The following DLG2 variants were observed in gnomAD, a reference collection of about 807,000 sequenced individuals.
DLG2 encodes the protein discs large MAGUK scaffold protein 2.
A neutral mutation model predicts 132.5 loss-of-function variants in DLG2; 45 were observed. That is an observed-to-expected ratio of 0.34 (90% CI 0.27 to 0.44). DLG2 has a LOEUF of 0.44. DLG2 is among the 20% of genes least tolerant of loss of function. The pLI is 1.00. For missense variants in DLG2, 1,045 were observed against 1,196.9 expected, an observed-to-expected ratio of 0.87 and a Z score of 1.87; for synonymous variants, 424 against 419.6, an observed-to-expected ratio of 1.01 and a Z score of -0.13.
At chr11:85,078,708 A>G (rs2066866281) in intron 6 of DLG2, among the ~76,000 whole-genome samples, 1 of 152,050 alleles carries the variant, frequency 6.6e-6, no homozygotes, top group Non-Finnish European at 1.5e-5. Context: ...CTTGAAACCA[A>G]ATAAAGAAAT....
intron 5 of DLG2, chr11:85,132,783 G>A (rs1156360226): frequency 5.7e-5 from 26 of 456,596 alleles, no homozygotes; most frequent in South Asian, 3.4e-4. Flanking sequence ...TGGTGACAAT[G>A]CACAGGCAAT....
At chr11:83,510,228 C>T (rs550171647) in intron 21 of DLG2, among the ~76,000 whole-genome samples, 7 of 151,952 alleles carry the variant, frequency 4.6e-5, no homozygotes, top group Non-Finnish European at 1.0e-4. Context: ...TCCCTCCCTC[C>T]CTCCCTCCTT....
intron 8 of DLG2, among the ~76,000 whole-genome samples, chr11:84,220,769 C>CT (rs2096901546): frequency 7.9e-6 from 1 of 127,104 alleles, no homozygotes; most frequent in Admixed American, 8.3e-5. Flanking sequence ...CTTTTTTTTT[C>CT]TTTTTCTTTT....
intron 7 of DLG2, among the ~76,000 whole-genome samples, chr11:84,347,655 C>T (rs11233991): frequency 0.31 from 46,375 of 151,990 alleles, 8,854 homozygotes; most frequent in African/African-American, 0.54. Flanking sequence ...TTGATGCCTC[C>T]CCACAACCCA....
At chr11:85,585,861 GCAC>G (rs1224737924) in intron 3 of DLG2, among the ~76,000 whole-genome samples, 1 of 151,974 alleles carries the variant, frequency 6.6e-6, no homozygotes, top group African/African-American at 2.4e-5. Flanking sequence ...CTACAGATGT[GCAC>G]CACAATGCCC....
At chr11:84,903,904 A>C (rs1235591973) in intron 6 of DLG2, among the ~76,000 whole-genome samples, 1 of 152,294 alleles carries the variant, frequency 6.6e-6, no homozygotes, top group African/African-American at 2.4e-5. Context: ...ATATGTAAAA[A>C]AGTTTTACAG....
intron 7 of DLG2, among the ~76,000 whole-genome samples, chr11:84,472,149 G>T (rs151030247): frequency 2.4e-4 from 36 of 151,828 alleles, no homozygotes; most frequent in Non-Finnish European, 4.1e-4. Context: ...TGATTAGTTC[G>T]TATTGCTATC....
intron 18 of DLG2, among the ~76,000 whole-genome samples, chr11:83,670,448 G>C (rs1371270530): frequency 2.0e-5 from 3 of 151,964 alleles, no homozygotes; most frequent in Non-Finnish European, 4.4e-5. Flanking sequence ...ACCATGATAG[G>C]TTTTGGTATA....
At chr11:84,350,998 T>C in intron 7 of DLG2, among the ~76,000 whole-genome samples, 1 of 152,202 alleles carries the variant, frequency 6.6e-6, no homozygotes, top group East Asian at 1.9e-4. Context: ...TCAGCCTATC[T>C]ACCTGTATTA....
chr11:83,989,450 C>A (rs1251311812), intron 11 of DLG2, among the ~76,000 whole-genome samples: 2 of 152,114 alleles, frequency 1.3e-5, no homozygotes, highest in East Asian at 3.9e-4. Flanking sequence ...ATGACACCAA[C>A]ACTTTGGCAT....
intron 6 of DLG2, among the ~76,000 whole-genome samples, chr11:85,002,355 G>GA (rs939923397): frequency 6.6e-6 from 1 of 152,108 alleles, no homozygotes; most frequent in African/African-American, 2.4e-5. Flanking sequence ...CTCCTATTTA[G>GA]AAGAAATGAG....
At chr11:85,254,381 T>C (rs2076556458) in intron 4 of DLG2, among the ~76,000 whole-genome samples, 1 of 152,156 alleles carries the variant, frequency 6.6e-6, no homozygotes, top group South Asian at 2.1e-4. Flanking sequence ...TATACACACT[T>C]ACCTAGAAAA....
intron 4 of DLG2, among the ~76,000 whole-genome samples, chr11:85,280,169 A>G (rs2078139930): frequency 1.3e-5 from 2 of 151,924 alleles, no homozygotes; most frequent in South Asian, 4.2e-4. Context: ...ATCTCCATTT[A>G]CTGATGAAGA....
intron 6 of DLG2, among the ~76,000 whole-genome samples, chr11:84,770,049 T>C (rs947670510): frequency 3.9e-5 from 6 of 152,144 alleles, no homozygotes; most frequent in Non-Finnish European, 8.8e-5. Context: ...GGGAGATGTG[T>C]GGGTTATGGA....
intron 7 of DLG2, among the ~76,000 whole-genome samples, chr11:84,510,150 A>G (rs2099253372): frequency 6.6e-6 from 1 of 151,080 alleles, no homozygotes; most frequent in African/African-American, 2.4e-5. Context: ...AATTAAAAAC[A>G]GTAAATTAGA....
rs553715482 is a variant in DLG2, at chr11:84,581,140, G to A, written c.358-46409C>T. ...TTATTTCCTTTTACAAATATTTGAC[G>A]AATTGAAGAACCACATAGGCAAACA... is the stretch of plus-strand genomic sequence containing the variant. On this transcript the variant is annotated intron_variant, in intron 6 of 27. Coordinates refer to ENST00000376104, the MANE Select transcript of DLG2 (RefSeq NM_001142699.3). Among the ~76,000 whole-genome samples the A allele has an allele frequency of 4.6e-5, 7 of 152,166 alleles. No homozygotes were observed. In the East Asian group the frequency reaches 1.2e-3, roughly 25 times the overall value.
chr11:85,291,987 G>C (rs758234849), intron 3 of DLG2, among the ~76,000 whole-genome samples: 5 of 152,100 alleles, frequency 3.3e-5, no homozygotes, highest in Non-Finnish European at 7.4e-5. Context: ...CCACATACCT[G>C]CTTTGAATTC....
At chr11:85,280,947 C>T (rs1013810034) in intron 4 of DLG2, among the ~76,000 whole-genome samples, 20 of 151,958 alleles carry the variant, frequency 1.3e-4, no homozygotes, top group African/African-American at 4.6e-4. Flanking sequence ...ACAGAATAGC[C>T]ATATTATGAC....
intron 6 of DLG2, among the ~76,000 whole-genome samples, chr11:84,969,082 A>T (rs565824202): frequency 6.6e-6 from 1 of 152,086 alleles, no homozygotes; most frequent in Admixed American, 6.6e-5. Flanking sequence ...TGCAAAAAAA[A>T]AAAAAAAAGT....
Sources: gnomAD v4.1 joint callset for allele counts (sites outside exome capture counted in the v4.1 genomes callset) on GRCh38, gnomAD v4.1.1 for gene constraint, MANE v1.5 for transcripts, NCBI Gene and HGNC (gene_info 2026-07-23, HGNC 2026-07-21) for gene names.